Variants in GTF3C1 observed in about 807,000 individuals in gnomAD.
GTF3C1 encodes the protein general transcription factor 3C polypeptide 1.
In GTF3C1, 57 loss-of-function variants were observed where a neutral mutation model predicts 226.7. The observed-to-expected ratio is 0.25, with a 90% CI of 0.20 to 0.31. The LOEUF (loss-of-function observed/expected upper bound fraction) is 0.31, where lower values mean the gene tolerates loss of function less well. GTF3C1 is among the 10% of genes least tolerant of loss of function. The probability of loss-of-function intolerance (pLI) is 1.00; values close to 1 mark genes in which losing one functional copy is unlikely to be tolerated. For synonymous variants in GTF3C1, 1,090 were observed against 1,084.8 expected, an observed-to-expected ratio of 1.00 and a Z score of -0.09; for missense variants, 2,217 against 2,776.1, an observed-to-expected ratio of 0.80 and a Z score of 4.53.
At position 27,511,740 on chromosome 16, in the gene GTF3C1, A is replaced by G. The variant is rs760126785; in HGVS notation, c.1126+9T>C. On this transcript the variant is annotated intron_variant, in intron 7 of 36. Coordinates refer to ENST00000356183, the MANE Select transcript of GTF3C1 (RefSeq NM_001520.4). ...TCCATATCCAAGCTGGCATGGGAAC[A>G]AGACTTACTGAGGTCGTAGGTCTGT... 8.1e-6 allele frequency: 13 copies of G among 1,613,674 alleles called. No homozygotes were observed. The Admixed American group carries it at 2.2e-4, about 27-fold the overall frequency.
intron 6 of GTF3C1, among the ~76,000 whole-genome samples, chr16:27,523,624 C>G (rs920101300): frequency 9.9e-5 from 15 of 152,122 alleles, no homozygotes; most frequent in African/African-American, 3.6e-4. Context: ...ATTTGCTCAG[C>G]ATCTGCTTAG....
At chr16:27,483,465 T>C (rs574293827) in intron 25 of GTF3C1, 5 of 487,246 alleles carry the variant, frequency 1.0e-5, no homozygotes, top group South Asian at 7.7e-5. Context: ...TTTAAAAACA[T>C]CAAACAGGCT....
At chr16:27,529,225 C>T (rs1226995545) in intron 5 of GTF3C1, among the ~76,000 whole-genome samples, 1 of 152,102 alleles carries the variant, frequency 6.6e-6, no homozygotes, top group Non-Finnish European at 1.5e-5. Flanking sequence ...GGGCAGGTCA[C>T]TTAAGGCCAG....
intron 17 of GTF3C1, 64 bp downstream of exon 17, chr16:27,493,135 A>C: frequency 1.2e-6 from 1 of 855,100 alleles, no homozygotes; most frequent in Non-Finnish European, 2.0e-6. Flanking sequence ...ATGATGGCTT[A>C]GAGCCCTGAC....
chr16:27,478,534 G>A lies in GTF3C1; in HGVS notation c.4197-3C>T. On this transcript the variant is annotated splice_region_variant and splice_polypyrimidine_tract_variant and intron_variant, in intron 27 of 36. Transcript: ENST00000356183. ...CCCCAATTGCCAAAACTCGGTACCT[G>A]CAAAAGAAACATAACAGCATGTCAG... 4 of 1,607,508 alleles carry A rather than the reference G, an allele frequency of 2.5e-6. No homozygotes were observed. The highest frequency in any genetic ancestry group is 2.6e-6 in the Non-Finnish European group (3 of 1,173,938).
chr16:27,540,300 G>A (rs1027811720), intron 2 of GTF3C1, among the ~76,000 whole-genome samples: 9 of 152,170 alleles, frequency 5.9e-5, no homozygotes, highest in Admixed American at 2.0e-4. Flanking sequence ...GCGAATACAC[G>A]ACAGAAAGTC....
chr16:27,462,306 C>T lies in GTF3C1; in HGVS notation c.6105G>A (p.Leu2035=). ...GAAGGCCCCACACCTGGAGCAACTC[C>T]AGCACGGCGACGGGCTGCAGGACCC... ...YQGVLQPVAV[L]ELLQGLESLG... Residue 2035 remains leucine, a synonymous_variant, in exon 36 of 37, where the codon CTG becomes CTA. Coordinates refer to ENST00000356183, the MANE Select transcript of GTF3C1 (RefSeq NM_001520.4). This position sits in a 1 kb window ranked among gnomAD's most constrained non-coding sequence, Gnocchi z 4.5. 1 of 1,551,726 alleles carries T rather than the reference C, an allele frequency of 6.4e-7. No individual in the cohort carries two copies. The highest frequency in any genetic ancestry group is 8.7e-7 in the Non-Finnish European group (1 of 1,148,122).
intron 25 of GTF3C1, 36 bp from the exon 26 acceptor site, chr16:27,483,161 T>C (rs779482329): frequency 5.7e-6 from 9 of 1,585,908 alleles, no homozygotes; most frequent in Admixed American, 1.7e-5. Context: ...AGTCTGGGAA[T>C]TGCAATGATG....
At chr16:27,505,860 C>T in intron 10 of GTF3C1, 39 bp downstream of exon 10, 5 of 1,116,172 alleles carry the variant, frequency 4.5e-6, no homozygotes, top group Non-Finnish European at 6.9e-6. Flanking sequence ...GCCACAGACT[C>T]CTTCTTGGAG....
chr16:27,461,394 C>T lies in GTF3C1; in HGVS notation c.6286G>A (p.Val2096Met), dbSNP rs369849053. 41 of 1,613,692 alleles carry T rather than the reference C, an allele frequency of 2.5e-5. No homozygotes were observed. Among genetic ancestry groups the T allele is most frequent in the Non-Finnish European group, 3.3e-5 (39 of 1,179,762 alleles). Residue 2096 changes from valine to methionine, a missense_variant, in exon 37 of 37, where the codon GTG becomes ATG. Around this residue, in one of 12 missense-constraint regions of GTF3C1, gnomAD observed 153 missense variants for 199.8 expected, o/e 0.77. Coordinates refer to ENST00000356183, the MANE Select transcript of GTF3C1 (RefSeq NM_001520.4). The surrounding 1 kb of genome is among the most constrained non-coding windows in gnomAD (Gnocchi z 5.3). Reference sequence around the variant, plus strand: ...TTCCAGTTGACCTCGTGGGGGAACACACGGCCCAGCCGGAGGGTACAGTCC... The same window carrying T: ...TTCCAGTTGACCTCGTGGGGGAACATACGGCCCAGCCGGAGGGTACAGTCC... ...TLDCTLRLGR[V>M]FPHEVNWNKW...
In GTF3C1 at chr16:27,514,326, C is replaced by T. The variant is rs1463206220; in HGVS notation, c.974-2425G>A. Reference sequence around the variant, plus strand: ...CCTGCCCTGCCCTCTCCTGCAATCCCTCTCTTTCAGAATGGGAGGCTTAAG... The same window carrying T: ...CCTGCCCTGCCCTCTCCTGCAATCCTTCTCTTTCAGAATGGGAGGCTTAAG... On this transcript the variant is annotated intron_variant, in intron 6 of 36. Transcript: ENST00000356183. Among the ~76,000 whole-genome samples the T allele has an allele frequency of 2.0e-5, 3 of 152,330 alleles. 1 individual carries two copies. The highest frequency in any genetic ancestry group is 2.0e-4 in the Admixed American group (3 of 15,304).
At position 27,545,380 on chromosome 16, in the gene GTF3C1, T is replaced by G. The variant is rs570062451; in HGVS notation, c.365A>C (p.Asn122Thr). The G allele has an allele frequency of 6.2e-7, 1 of 1,613,880 alleles. No individual in the cohort carries two copies. Among genetic ancestry groups the G allele is most frequent in the South Asian group, 1.1e-5 (1 of 91,068 alleles). Reference protein sequence around the residue: ...GSCRYFKERKNITNDIRTKSL... With the variant: ...GSCRYFKERKTITNDIRTKSL... ...CTTGGTTCTGATGTCATTGGTAATG[T>G]TTTTCCTCTCCTTAAAGTAGCGGCA... is the stretch of plus-strand genomic sequence containing the variant. The change falls in exon 2 of 37, where the codon AAC becomes ACC. Residue 122 changes from asparagine to threonine, a missense_variant. Coordinates refer to ENST00000356183, the MANE Select transcript of GTF3C1 (RefSeq NM_001520.4).
intron 4 of GTF3C1, among the ~76,000 whole-genome samples, chr16:27,535,803 G>C (rs1418677619): frequency 6.6e-6 from 1 of 151,920 alleles, no homozygotes; most frequent in Admixed American, 6.6e-5. Context: ...AGCGGAGATC[G>C]CGCCATCGCA....
chr16:27,534,856 T>C (rs1430771784), intron 4 of GTF3C1, among the ~76,000 whole-genome samples: 3 of 152,180 alleles, frequency 2.0e-5, no homozygotes, highest in South Asian at 4.1e-4. Context: ...ATTTTTTTTT[T>C]CATATTTATT....
chr16:27,511,831 CTCG>C lies in GTF3C1; in HGVS notation c.1041_1043del (p.Asp347del), dbSNP rs1567404711. 1 of 1,614,168 alleles carries C rather than the reference CTCG, an allele frequency of 6.2e-7. No homozygotes were observed. Among genetic ancestry groups the C allele is most frequent in the Admixed American group, 1.7e-5 (1 of 60,016 alleles). On this transcript the variant is annotated inframe_deletion, in exon 7 of 37. Transcript: ENST00000356183. Reference sequence around the variant, plus strand: ...CTGTCTTGGAGATGACCTCCTCGTCCTCGTCATCATCATGGTCATTCCGTTTAA... The same window carrying C: ...CTGTCTTGGAGATGACCTCCTCGTCCTCATCATCATGGTCATTCCGTTTAA...
Position 27,484,369 on chromosome 16 carries a change from A to G in GTF3C1, c.3859-16T>C. Reference sequence around the variant, plus strand: ...GGCCCTTCACCTGGATCAAACACAGAGCCAAGACAAAAAGTCAGTATCCTC... The same window carrying G: ...GGCCCTTCACCTGGATCAAACACAGGGCCAAGACAAAAAGTCAGTATCCTC... On this transcript the variant is annotated splice_polypyrimidine_tract_variant and intron_variant, in intron 24 of 36. Coordinates refer to ENST00000356183, the MANE Select transcript of GTF3C1 (RefSeq NM_001520.4). The G allele has an allele frequency of 1.3e-6, 2 of 1,590,920 alleles. No individual in the cohort carries two copies. Among genetic ancestry groups the G allele is most frequent in the South Asian group, 1.1e-5 (1 of 90,558 alleles).
rs1005169384 is a variant in GTF3C1, at chr16:27,469,968, AC to A, written c.4814+139del. 2.8e-6 allele frequency: 2 copies of A among 725,760 alleles called. No homozygotes were observed. The highest frequency in any genetic ancestry group is 4.7e-6 in the Non-Finnish European group (2 of 423,968). 45.0% of individuals were successfully genotyped at this position (725,760 alleles called of 1,614,324 possible). A position where few individuals can be genotyped will look rare whatever the true frequency, so the allele number is the denominator to read the frequency against. On this transcript the variant is annotated intron_variant, in intron 31 of 36. Coordinates refer to ENST00000356183, the MANE Select transcript of GTF3C1 (RefSeq NM_001520.4). The surrounding 1 kb of genome is among the most constrained non-coding windows in gnomAD (Gnocchi z 4.5). ...GGCACCAGCAGAGGACACCTTAGAC[AC>A]CGGCCTATAATCCCCAGTCACTCAT...
rs369496882 is a variant in GTF3C1, at chr16:27,469,196, G to T, written c.5074+95C>A. The T allele has an allele frequency of 3.1e-6, 4 of 1,289,632 alleles. No homozygotes were observed. Among genetic ancestry groups the T allele is most frequent in the Non-Finnish European group, 4.2e-6 (4 of 952,770 alleles). The allele number at this position is 1,289,632 out of a possible 1,614,324, so 79.9% of individuals were successfully genotyped here. A position where few individuals can be genotyped will look rare whatever the true frequency, so the allele number is the denominator to read the frequency against. Reference sequence around the variant, plus strand: ...GTTCTGTGGCTGCACGCCTGGCCTGGGGAGCCTGAAGGTCTAGGTCCCAGG... The same window carrying T: ...GTTCTGTGGCTGCACGCCTGGCCTGTGGAGCCTGAAGGTCTAGGTCCCAGG... On this transcript the variant is annotated intron_variant, in intron 32 of 36. Coordinates refer to ENST00000356183, the MANE Select transcript of GTF3C1 (RefSeq NM_001520.4). The surrounding 1 kb of genome is among the most constrained non-coding windows in gnomAD (Gnocchi z 4.5).
At position 27,462,495 on chromosome 16, in the gene GTF3C1, A is replaced by G. The variant is rs766130241; in HGVS notation, c.5925-9T>C. The G allele has an allele frequency of 1.9e-6, 3 of 1,611,358 alleles. No homozygotes were observed. The highest frequency in any genetic ancestry group is 2.5e-6 in the Non-Finnish European group (3 of 1,178,000). ...AGACACTCTCACAGTCCCTGCAGGG[A>G]GAGGGCTTGACATCAGGGCTTGGTG... On this transcript the variant is annotated splice_polypyrimidine_tract_variant and intron_variant, in intron 35 of 36. Transcript: ENST00000356183. The surrounding 1 kb of genome is among the most constrained non-coding windows in gnomAD (Gnocchi z 4.5).
Sources: allele counts gnomAD v4.1 joint callset (sites outside exome capture counted in the v4.1 genomes callset), GRCh38; gene constraint gnomAD v4.1.1; regional missense constraint gnomAD v4.1.1; non-coding constraint Gnocchi (gnomAD v3.1); transcripts MANE v1.5; gene names NCBI Gene and HGNC (gene_info 2026-07-23, HGNC 2026-07-21).